Variants in CNR2 observed in about 807,000 individuals in gnomAD.
CNR2 encodes the protein cannabinoid receptor 2, also known as cannabinoid receptor 2 (macrophage).
For missense variants in CNR2, 379 were observed against 439.9 expected, an observed-to-expected ratio of 0.86 and a Z score of 1.24; for synonymous variants, 172 against 182.2, an observed-to-expected ratio of 0.94 and a Z score of 0.45.
intron 1 of CNR2, among the ~76,000 whole-genome samples, chr1:23,894,229 T>C (rs937688847): frequency 6.6e-6 from 1 of 151,412 alleles, no homozygotes; most frequent in Non-Finnish European, 1.5e-5. Flanking sequence ...AAGACCAGCC[T>C]GACCAACATG....
chr1:23,892,168 G>C (rs926660856), intron 1 of CNR2, among the ~76,000 whole-genome samples: 28 of 152,322 alleles, frequency 1.8e-4, no homozygotes, highest in African/African-American at 6.7e-4. Flanking sequence ...GTGTGAACTA[G>C]AAGGATGGTG....
At chr1:23,891,635 A>AAAAAAAAAAAG (rs58607626) in intron 1 of CNR2, among the ~76,000 whole-genome samples, 1 of 131,010 alleles carries the variant, frequency 7.6e-6, no homozygotes, top group African/African-American at 2.9e-5. Context: ...AAAAAAAAAA[A>AAAAAAAAAAAG]AAAGCCCAAA....
intron 1 of CNR2, among the ~76,000 whole-genome samples, chr1:23,882,063 A>T (rs1570704809): frequency 6.6e-6 from 1 of 151,732 alleles, no homozygotes; most frequent in East Asian, 2.0e-4. Context: ...CTGGGATTAC[A>T]GGTGCCTGCC....
At chr1:23,875,789 G>C (rs1639865044) in intron 1 of CNR2, 127 bp from the exon 2 acceptor site, 2 of 800,998 alleles carry the variant, frequency 2.5e-6, no homozygotes, top group Non-Finnish European at 1.9e-6. Flanking sequence ...ATCAGTTTCT[G>C]TTTTGTTTGC....
chr1:23,899,324 T>G (rs1046731096), intron 1 of CNR2, among the ~76,000 whole-genome samples: 1 of 152,188 alleles, frequency 6.6e-6, no homozygotes, highest in Admixed American at 6.5e-5. Flanking sequence ...TGACTGAGAC[T>G]GTGAAAGAGA....
At chr1:23,910,594 C>A (rs1218208497) in intron 1 of CNR2, among the ~76,000 whole-genome samples, 2 of 114,128 alleles carry the variant, frequency 1.8e-5, no homozygotes, top group East Asian at 5.9e-4. Context: ...GCAGAGGTTG[C>A]AATGAGCTGA....
rs34885370 is a variant in CNR2, at chr1:23,910,122, A to ATTT, written c.-46+3121_-46+3123dup. On this transcript the variant is annotated intron_variant, in intron 1 of 1. Transcript: ENST00000374472. Reference sequence around the variant, plus strand: ...TGCCACCATGCCTGGCTAATTTTTAATTTTTTTTTTTTTTTTTTTGTAGAG... The same window carrying ATTT: ...TGCCACCATGCCTGGCTAATTTTTAATTTTTTTTTTTTTTTTTTTTTTGTAGAG... 1.1e-3 allele frequency among the ~76,000 whole-genome samples: 127 copies of ATTT among 120,290 alleles called. 1 individual carries two copies. The highest frequency in any genetic ancestry group is 8.7e-3 in the Middle Eastern group (2 of 230). 78.9% of individuals were successfully genotyped at this position (120,290 alleles called of 152,430 possible).
chr1:23,896,473 C>T (rs1211466762), intron 1 of CNR2, among the ~76,000 whole-genome samples: 1 of 152,180 alleles, frequency 6.6e-6, no homozygotes, highest in African/African-American at 2.4e-5. Context: ...CACACTAAGC[C>T]CTCCATGAAT....
At chr1:23,888,434 C>T (rs1447499825) in intron 1 of CNR2, among the ~76,000 whole-genome samples, 1 of 152,048 alleles carries the variant, frequency 6.6e-6, no homozygotes, top group East Asian at 1.9e-4. Flanking sequence ...AGCTTCTTAC[C>T]CTGGGTCCAT....
rs528811140 is a variant in CNR2, at chr1:23,882,510, C to T, written c.-45-6848G>A. 7.9e-5 allele frequency among the ~76,000 whole-genome samples: 12 copies of T among 152,154 alleles called. No individual in the cohort carries two copies. The South Asian group carries it at 2.5e-3, about 32-fold the overall frequency. On this transcript the variant is annotated intron_variant, in intron 1 of 1. Coordinates refer to ENST00000374472, the MANE Select transcript of CNR2 (RefSeq NM_001841.3). The stretch of plus-strand genomic sequence containing the variant: ...CGTATGCAAAGGGAAATTTACAGCT[C>T]TAAATGCTGATACTATCAGGTGCGG...
At chr1:23,898,275 G>A (rs1351387883) in intron 1 of CNR2, among the ~76,000 whole-genome samples, 3 of 149,488 alleles carry the variant, frequency 2.0e-5, no homozygotes, top group Non-Finnish European at 4.4e-5. Context: ...CTGACCTTGT[G>A]ATCCGCCCGC....
chr1:23,902,242 A>T (rs573604243), intron 1 of CNR2: 4 of 1,350,666 alleles, frequency 3.0e-6, no homozygotes, highest in Admixed American at 2.0e-5. Flanking sequence ...ATGATCTCCA[A>T]CGTCTGCCGG....
chr1:23,910,619 A>G (rs997848781), intron 1 of CNR2, among the ~76,000 whole-genome samples: 1 of 126,524 alleles, frequency 7.9e-6, no homozygotes, highest in Non-Finnish European at 1.6e-5. Flanking sequence ...ACGCCATTAT[A>G]CTCCAGCCTG....
intron 1 of CNR2, chr1:23,902,663 G>A (rs1640420907): frequency 1.9e-6 from 3 of 1,595,416 alleles, no homozygotes; most frequent in Admixed American, 3.4e-5. Context: ...TCGCCCCCGG[G>A]GGTCCCACGA....
chr1:23,899,374 G>A (rs998394250), intron 1 of CNR2, among the ~76,000 whole-genome samples: 2 of 59,640 alleles, frequency 3.4e-5, no homozygotes, highest in Non-Finnish European at 6.6e-5. Context: ...AACCTCCAAG[G>A]TGTCCTTGTT....
At chr1:23,877,302 A>C (rs1337131737) in intron 1 of CNR2, among the ~76,000 whole-genome samples, 1 of 152,216 alleles carries the variant, frequency 6.6e-6, no homozygotes, top group African/African-American at 2.4e-5. Flanking sequence ...GGGATGAGTT[A>C]AAGAGCAAAA....
At chr1:23,901,926 G>C in intron 1 of CNR2, 3 of 1,603,566 alleles carry the variant, frequency 1.9e-6, no homozygotes, top group Non-Finnish European at 2.6e-6. Context: ...CACCTCTGCG[G>C]GGTGAGGCCC....
intron 1 of CNR2, among the ~76,000 whole-genome samples, chr1:23,910,680 GAAAGA>G (rs1417371518): frequency 1.1e-5 from 1 of 94,452 alleles, no homozygotes; most frequent in African/African-American, 4.0e-5. Flanking sequence ...AAAAAAAAAA[GAAAGA>G]AAAGAAAAGA....
In CNR2 at chr1:23,873,195, G is replaced by A. The variant is rs1021568334; in HGVS notation, c.*1340C>T. The A allele has an allele frequency of 6.6e-6, 1 of 152,070 alleles. No homozygotes were observed. The highest frequency in any genetic ancestry group is 1.5e-5 in the Non-Finnish European group (1 of 68,032). The allele number at this position is 152,070 out of a possible 1,614,324, so 9.4% of individuals were successfully genotyped here. A position where few individuals can be genotyped will look rare whatever the true frequency, so the allele number is the denominator to read the frequency against. ...TGGCTGTTTTAGGCTCCTCTGGGAG[G>A]AACCCAGCCTCCCTCATATGAAAAA... On this transcript the variant is annotated 3_prime_UTR_variant, in exon 2 of 2. Transcript: ENST00000374472.
Sources: allele counts gnomAD v4.1 joint callset (sites outside exome capture counted in the v4.1 genomes callset), GRCh38; gene constraint gnomAD v4.1.1; transcripts MANE v1.5; gene names NCBI Gene and HGNC (gene_info 2026-07-23, HGNC 2026-07-21).